Variants in ABCG1 observed in about 807,000 individuals in gnomAD.
ABCG1 encodes the protein ATP-binding cassette sub-family G member 1.
ABCG1 carries 29 observed loss-of-function variants against 69.2 expected under a neutral mutation model. The ratio of observed to expected loss-of-function variants is 0.42; its 90% CI spans 0.31 to 0.57. ABCG1 has a LOEUF of 0.57. Ranked by LOEUF, ABCG1 falls within the 20% of genes least tolerant of loss-of-function variation. The pLI is 0.15. For missense variants in ABCG1, 718 were observed against 898.1 expected (o/e 0.80, Z 2.56); for synonymous variants, 370 against 374.8 (o/e 0.99, Z 0.15).
At chr21:42,205,079 C>T (rs1393706447) in intron 2 of ABCG1, among the ~76,000 whole-genome samples, 1 of 148,694 alleles carries the variant, frequency 6.7e-6, no homozygotes, top group African/African-American at 2.5e-5. Flanking sequence ...TGAGACTATT[C>T]AAATAGTCTG....
intron 2 of ABCG1, among the ~76,000 whole-genome samples, chr21:42,204,508 T>C (rs995589043): frequency 6.6e-6 from 1 of 152,246 alleles, no homozygotes; most frequent in Non-Finnish European, 1.5e-5. Context: ...GTGATTTTTT[T>C]CCTCTTTTAT....
At chr21:42,258,426 ATCCC>A (rs748936875) in intron 2 of ABCG1, among the ~76,000 whole-genome samples, 4 of 90,856 alleles carry the variant, frequency 4.4e-5, no homozygotes, top group Non-Finnish European at 6.5e-5. Context: ...TATCCCCCCC[ATCCC>A]TCCCTCCATA....
intron 4 of ABCG1, among the ~76,000 whole-genome samples, chr21:42,275,509 T>C (rs569256390): frequency 1.5e-4 from 23 of 152,316 alleles, no homozygotes; most frequent in Admixed American, 5.2e-4. Flanking sequence ...ATGCACACCC[T>C]CTTGATTCCT....
chr21:42,256,553 T>C (rs1474978768), intron 2 of ABCG1: 1 of 1,544,724 alleles, frequency 6.5e-7, no homozygotes, highest in South Asian at 1.2e-5. Context: ...AAATATCCCA[T>C]CTGCATTCTC....
intron 2 of ABCG1, among the ~76,000 whole-genome samples, chr21:42,255,531 G>A (rs1174281717): frequency 6.6e-6 from 1 of 152,202 alleles, no homozygotes; most frequent in African/African-American, 2.4e-5. Context: ...TGTGCACACT[G>A]TGTGTACAGG....
intron 13 of ABCG1, among the ~76,000 whole-genome samples, chr21:42,293,447 CTA>C (rs2069130118): frequency 6.8e-6 from 1 of 147,862 alleles, no homozygotes; most frequent in East Asian, 2.1e-4. Context: ...ACACCACACA[CTA>C]CACACACACC....
intron 5 of ABCG1, 87 bp downstream of exon 5, chr21:42,277,032 T>G: frequency 1.4e-6 from 2 of 1,438,980 alleles, no homozygotes; most frequent in South Asian, 2.3e-5. Context: ...ATTTTGGCAT[T>G]GGCTTTTGTT....
At chr21:42,233,665 T>C (rs2067933532) in intron 2 of ABCG1, among the ~76,000 whole-genome samples, 1 of 152,204 alleles carries the variant, frequency 6.6e-6, no homozygotes, top group Non-Finnish European at 1.5e-5. Context: ...AATCCAGAGC[T>C]ACCTTGAGAG....
chr21:42,260,709 A>G (rs1239348997), intron 2 of ABCG1, among the ~76,000 whole-genome samples: 1 of 152,162 alleles, frequency 6.6e-6, no homozygotes, highest in Non-Finnish European at 1.5e-5. Flanking sequence ...AAGGAAGGAA[A>G]ATAGAGGCAT....
chr21:42,211,559 C>T (rs2067589347), upstream of ABCG1, among the ~76,000 whole-genome samples: 1 of 151,948 alleles, frequency 6.6e-6, no homozygotes. Flanking sequence ...ATGTTAGAAC[C>T]TAATACCCAT....
At chr21:42,242,025 G>A (rs2123601657) in intron 2 of ABCG1, among the ~76,000 whole-genome samples, 1 of 148,558 alleles carries the variant, frequency 6.7e-6, no homozygotes, top group East Asian at 2.0e-4. Flanking sequence ...TTGGTTACTT[G>A]TTTTACAAAT....
chr21:42,274,660 A>G (rs1390629571), intron 4 of ABCG1, among the ~76,000 whole-genome samples: 2 of 151,982 alleles, frequency 1.3e-5, no homozygotes, highest in African/African-American at 4.8e-5. Context: ...TTTTTGGTAG[A>G]GATGGGGTTT....
intron 2 of ABCG1, among the ~76,000 whole-genome samples, chr21:42,232,877 T>G (rs2067920994): frequency 6.6e-6 from 1 of 152,176 alleles, no homozygotes; most frequent in Non-Finnish European, 1.5e-5. Flanking sequence ...TCTTTCTGAG[T>G]TCAGTTCTAG....
At chr21:42,249,356 G>A (rs143777323) in intron 2 of ABCG1, among the ~76,000 whole-genome samples, 1 of 152,260 alleles carries the variant, frequency 6.6e-6, no homozygotes, top group East Asian at 1.9e-4. Context: ...CAGAAAGTAA[G>A]TGTCATATTG....
intron 13 of ABCG1, among the ~76,000 whole-genome samples, chr21:42,293,087 C>CTACACACCACACACGG (rs2069110177): frequency 4.6e-5 from 4 of 86,140 alleles, no homozygotes; most frequent in Admixed American, 1.2e-4. Context: ...ACCACACACA[C>CTACACACCACACACGG]TACACACCAC....
rs2068720586 is a variant in ABCG1, at chr21:42,276,841, C to T, written c.538-54C>T. 1.9e-6 allele frequency: 3 copies of T among 1,595,812 alleles called. No homozygotes were observed. Among genetic ancestry groups the T allele is most frequent in the South Asian group, 2.2e-5 (2 of 90,436 alleles). ...GCCTGCAGTGCGGGCATGAGGCTCACACTGCCAGTGGCCGTCTGTTCTGCT... is the reference window on the plus strand; with the variant it reads ...GCCTGCAGTGCGGGCATGAGGCTCATACTGCCAGTGGCCGTCTGTTCTGCT... On this transcript the variant is annotated intron_variant, in intron 4 of 14. Transcript: ENST00000398449. The surrounding 1 kb of genome is among the most constrained non-coding windows in gnomAD (Gnocchi z 5.3).
intron 6 of ABCG1, among the ~76,000 whole-genome samples, chr21:42,284,206 C>CT (rs534247097): frequency 8.3e-6 from 1 of 120,394 alleles, no homozygotes; most frequent in African/African-American, 3.6e-5. Context: ...AAAGTCCCCC[C>CT]GCCCAGATGA....
At chr21:42,246,598 T>C (rs984922931) in intron 2 of ABCG1, among the ~76,000 whole-genome samples, 3 of 152,218 alleles carry the variant, frequency 2.0e-5, no homozygotes, top group Admixed American at 6.5e-5. Context: ...GGCGTATGTG[T>C]ATATATATGA....
Position 42,284,467 on chromosome 21 carries a change from C to T in ABCG1, c.735-93C>T, listed in dbSNP as rs983770556. 7.7e-5 allele frequency: 115 copies of T among 1,491,250 alleles called. 2 individuals carry two copies. Among genetic ancestry groups the T allele is most frequent in the East Asian group, 3.3e-4 (14 of 42,038 alleles). The allele number at this position is 1,491,250 out of a possible 1,614,324, so 92.4% of individuals were successfully genotyped here. A position where few individuals can be genotyped will look rare whatever the true frequency, so the allele number is the denominator to read the frequency against. On this transcript the variant is annotated intron_variant, in intron 6 of 14. Transcript: ENST00000398449. ...CAGCTGCAGCCCCTGATGCCAAGCC[C>T]TCTGGGACAGGAACTCCCTGGACCC...
Sources: gnomAD v4.1 joint callset for allele counts (sites outside exome capture counted in the v4.1 genomes callset) on GRCh38, gnomAD v4.1.1 for gene constraint, Gnocchi (gnomAD v3.1) non-coding constraint, MANE v1.5 for transcripts, NCBI Gene and HGNC (gene_info 2026-07-23, HGNC 2026-07-21) for gene names.